The following LTBP2 variants were observed in gnomAD, a reference collection of about 807,000 sequenced individuals.
The protein encoded by LTBP2 is latent transforming growth factor beta binding protein 2.
LTBP2 carries 103 observed loss-of-function variants against 210.6 expected under a neutral mutation model. The observed-to-expected ratio is 0.49, with a 90% CI of 0.42 to 0.58. LTBP2 has a LOEUF of 0.58. Ranked by LOEUF, LTBP2 falls within the 20% of genes least tolerant of loss-of-function variation. The pLI is 0.00. For missense variants in LTBP2, 2,313 were observed against 2,494.5 expected (o/e 0.93, Z 1.55); for synonymous variants, 1,007 against 1,015.0 (o/e 0.99, Z 0.15).
chr14:74,498,860 ATCTT>A lies in LTBP2; in HGVS notation c.*2020_*2023del, dbSNP rs753248465. 100 of 228,008 alleles carry A rather than the reference ATCTT, an allele frequency of 4.4e-4. No homozygotes were observed. Among genetic ancestry groups the A allele is most frequent in the African/African-American group, 1.9e-3 (86 of 45,180 alleles). 14.1% of individuals were successfully genotyped at this position (228,008 alleles called of 1,614,324 possible). On this transcript the variant is annotated 3_prime_UTR_variant, in exon 36 of 36. Coordinates refer to ENST00000261978, the MANE Select transcript of LTBP2 (RefSeq NM_000428.3). ...CTTTTCCCCTTAATTTGTTTTGGAT[ATCTT>A]TCTTAAGGAATTTAGAGCCACCTTT...
intron 21 of LTBP2, 114 bp from the exon 22 acceptor site, chr14:74,509,477 C>T: frequency 1.4e-6 from 2 of 1,461,728 alleles, no homozygotes; most frequent in Non-Finnish European, 1.9e-6. Context: ...CTAAAACCCC[C>T]TCCCTAGAAC....
chr14:74,540,894 TTA>T (rs2087498144), intron 8 of LTBP2, among the ~76,000 whole-genome samples: 1 of 105,804 alleles, frequency 9.5e-6, no homozygotes, highest in African/African-American at 3.8e-5. Flanking sequence ...ATATTATATA[TTA>T]AAAATATATA....
At chr14:74,502,536 G>C (rs760064438) in intron 34 of LTBP2, 117 bp downstream of exon 34, 1 of 1,441,890 alleles carries the variant, frequency 6.9e-7, no homozygotes. Context: ...CTCTGGCTTG[G>C]TGTGTCTTTC....
At chr14:74,532,382 T>G in intron 10 of LTBP2, 44 bp downstream of exon 10, 1 of 1,611,072 alleles carries the variant, frequency 6.2e-7, no homozygotes, top group Non-Finnish European at 8.5e-7. Context: ...TGTCCCATCT[T>G]GTCTCCCACT....
chr14:74,504,168 T>A, intron 30 of LTBP2, 114 bp from the exon 31 acceptor site: 1 of 1,379,630 alleles, frequency 7.2e-7, no homozygotes, highest in Non-Finnish European at 1.0e-6. Flanking sequence ...ACTTACTAGG[T>A]GGCTTTGGGC....
chr14:74,507,759 A>T (rs1389822504), intron 25 of LTBP2, among the ~76,000 whole-genome samples: 1 of 152,250 alleles, frequency 6.6e-6, no homozygotes, highest in East Asian at 1.9e-4. Context: ...TTTGGCCTTT[A>T]AAACTAGATT....
At chr14:74,545,239 C>T (rs185863277) in intron 8 of LTBP2, among the ~76,000 whole-genome samples, 1 of 152,254 alleles carries the variant, frequency 6.6e-6, no homozygotes, top group Non-Finnish European at 1.5e-5. Context: ...GATGTATGAC[C>T]TTGGACAAGC....
chr14:74,569,532 G>A (rs774024561), intron 3 of LTBP2, among the ~76,000 whole-genome samples: 1 of 152,030 alleles, frequency 6.6e-6, no homozygotes, highest in Non-Finnish European at 1.5e-5. Flanking sequence ...ATTAGAACAG[G>A]GCATCTGCTC....
chr14:74,565,230 T>TTAG (rs1395694457), intron 3 of LTBP2, among the ~76,000 whole-genome samples: 1 of 152,038 alleles, frequency 6.6e-6, no homozygotes, highest in East Asian at 1.9e-4. Context: ...CAATGCGGGG[T>TTAG]GGACAAAGGG....
intron 9 of LTBP2, among the ~76,000 whole-genome samples, chr14:74,533,711 T>C (rs1280785294): frequency 6.6e-6 from 1 of 152,204 alleles, no homozygotes; most frequent in Non-Finnish European, 1.5e-5. Context: ...AGGCTCATGC[T>C]GTTCTTCAAA....
intron 21 of LTBP2, 81 bp from the exon 22 acceptor site, chr14:74,509,444 C>T: frequency 1.3e-6 from 2 of 1,594,170 alleles, no homozygotes; most frequent in Non-Finnish European, 1.7e-6. Context: ...CGTGGCTTCC[C>T]TCTCTGAGCC....
chr14:74,508,359 G>A (rs112429587), intron 24 of LTBP2, among the ~76,000 whole-genome samples: 28 of 152,202 alleles, frequency 1.8e-4, no homozygotes, highest in African/African-American at 6.7e-4. Flanking sequence ...TGCTGTCAAC[G>A]TCGTGAAGAG....
chr14:74,603,700 T>C lies in LTBP2; in HGVS notation c.500A>G (p.Asn167Ser). 2 of 1,614,146 alleles carry C rather than the reference T, an allele frequency of 1.2e-6. No individual in the cohort carries two copies. The highest frequency in any genetic ancestry group is 1.7e-6 in the Non-Finnish European group (2 of 1,179,980). ...TGGGCAGCACTGTCCCCCGCAGACG[T>C]TCCTCCTGTGGGGTCACCAAAACAG... ...TPPRGRLTGRNVCGGQCCPGW... is the reference protein window; with the variant it reads ...TPPRGRLTGRSVCGGQCCPGW... Residue 167 changes from asparagine (N) to serine (S), a missense_variant, in exon 2 of 36, where the codon AAC becomes AGC. Transcript: ENST00000261978.
intron 2 of LTBP2, among the ~76,000 whole-genome samples, chr14:74,600,477 T>C (rs1174710051): frequency 6.6e-6 from 1 of 152,162 alleles, no homozygotes; most frequent in African/African-American, 2.4e-5. Flanking sequence ...GCACTGGTAC[T>C]GTAACAGTAT....
At chr14:74,519,749 G>A (rs1426095109) in intron 17 of LTBP2, among the ~76,000 whole-genome samples, 1 of 152,116 alleles carries the variant, frequency 6.6e-6, no homozygotes, top group Non-Finnish European at 1.5e-5. Flanking sequence ...GGACACCCAG[G>A]CTGGCACGGT....
chr14:74,569,945 C>T (rs1431314804), intron 3 of LTBP2, among the ~76,000 whole-genome samples: 1 of 152,150 alleles, frequency 6.6e-6, no homozygotes, highest in Non-Finnish European at 1.5e-5. Flanking sequence ...CCCATCACTG[C>T]AGCCAAACTC....
chr14:74,501,406 C>T, intron 35 of LTBP2, 35 bp downstream of exon 35: 1 of 1,613,808 alleles, frequency 6.2e-7, no homozygotes, highest in South Asian at 1.1e-5. Flanking sequence ...GGGCAGTGGG[C>T]CAGCCTGACT....
At chr14:74,564,327 A>T (rs1595279507) in intron 3 of LTBP2, among the ~76,000 whole-genome samples, 1 of 16,634 alleles carries the variant, frequency 6.0e-5, no homozygotes, top group Non-Finnish European at 9.8e-5. Flanking sequence ...ATTTATATAT[A>T]TATTTATATA....
At chr14:74,574,137 G>C (rs2088023763) in intron 3 of LTBP2, among the ~76,000 whole-genome samples, 2 of 152,152 alleles carry the variant, frequency 1.3e-5, no homozygotes, top group Admixed American at 1.3e-4. Context: ...TGTTACTTTA[G>C]CATAACCCTA....
Sources: gnomAD v4.1 joint callset for allele counts (sites outside exome capture counted in the v4.1 genomes callset) on GRCh38, gnomAD v4.1.1 for gene constraint, MANE v1.5 for transcripts, NCBI Gene and HGNC (gene_info 2026-07-23, HGNC 2026-07-21) for gene names.